Variants in NOTCH1 observed in about 807,000 individuals in gnomAD.
NOTCH1 encodes the protein neurogenic locus notch homolog protein 1.
Under a neutral mutation model 254.8 loss-of-function variants are expected in NOTCH1, and 37 were observed. That is an observed-to-expected ratio of 0.15 (90% CI 0.11 to 0.19). The LOEUF (loss-of-function observed/expected upper bound fraction) is 0.19, where lower values mean the gene tolerates loss of function less well. Among genes scored for constraint, NOTCH1 ranks in the 10% least tolerant of loss-of-function variants. The pLI is 1.00. For missense variants in NOTCH1, 2,972 were observed against 3,708.6 expected (o/e 0.80, Z 5.16); for synonymous variants, 1,731 against 1,618.1 (o/e 1.07, Z -1.68).
At position 136,499,284 on chromosome 9, in the gene NOTCH1, C is replaced by T. The variant is rs748871180; in HGVS notation, c.5935-25G>A. ...TCTGGGCAACAGGGAGAGGCTCAGG[C>T]GGGTGCTGGGCAGACGTACACCGAT... is the stretch of plus-strand genomic sequence containing the variant. On this transcript the variant is annotated intron_variant, in intron 31 of 33. Transcript: ENST00000651671. The T allele has an allele frequency of 3.8e-5, 61 of 1,610,476 alleles. No individual in the cohort carries two copies. The South Asian group carries it at 4.3e-4, about 11-fold the overall frequency.
intron 13 of NOTCH1, among the ~76,000 whole-genome samples, chr9:136,514,083 C>A (rs973504883): frequency 1.3e-5 from 2 of 152,188 alleles, no homozygotes; most frequent in African/African-American, 2.4e-5. Context: ...CTGCGAAAAG[C>A]CCCCCACCAC....
chr9:136,513,316 G>A lies in NOTCH1; in HGVS notation c.2353+76C>T. 1 of 1,601,252 alleles carries A rather than the reference G, an allele frequency of 6.2e-7. No individual in the cohort carries two copies. Among genetic ancestry groups the A allele is most frequent in the Non-Finnish European group, 8.5e-7 (1 of 1,172,798 alleles). On this transcript the variant is annotated intron_variant, in intron 14 of 33. Coordinates refer to ENST00000651671, the MANE Select transcript of NOTCH1 (RefSeq NM_017617.5). The surrounding 1 kb of genome is among the most constrained non-coding windows in gnomAD (Gnocchi z 4.7). ...ACCATGCATGGTGCTGGCTGGACCT[G>A]GGTCCCGATCCTGTGTCTCCAGCTC...
intron 31 of NOTCH1, 56 bp downstream of exon 31, chr9:136,500,496 A>G (rs1205842025): frequency 2.5e-6 from 4 of 1,596,668 alleles, no homozygotes; most frequent in Non-Finnish European, 3.4e-6. Flanking sequence ...CCACTGCCCC[A>G]GACCACCAGG....
rs869309573 is a variant in NOTCH1 at position 136,501,449 on chromosome 9, AG to A, written c.5638+298del. On this transcript the variant is annotated intron_variant, in intron 30 of 33. Coordinates refer to ENST00000651671, the MANE Select transcript of NOTCH1 (RefSeq NM_017617.5). ...ACTCCATCTCAAAAACAAAAAAAAAAGAAAAAAAAAAAGAAAAAGAAAATCA... is the reference window on the plus strand; with the variant it reads ...ACTCCATCTCAAAAACAAAAAAAAAAAAAAAAAAAAAGAAAAAGAAAATCA... 9.6e-5 allele frequency among the ~76,000 whole-genome samples: 12 copies of A among 124,508 alleles called. 1 individual carries two copies. Among genetic ancestry groups the A allele is most frequent in the African/African-American group, 3.1e-4 (11 of 35,372 alleles). The allele number at this position is 124,508 out of a possible 152,430, so 81.7% of individuals were successfully genotyped here. A position where few individuals can be genotyped will look rare whatever the true frequency, so the allele number is the denominator to read the frequency against.
intron 2 of NOTCH1, among the ~76,000 whole-genome samples, chr9:136,541,045 C>A (rs991260337): frequency 1.3e-5 from 2 of 152,166 alleles, no homozygotes; most frequent in African/African-American, 4.8e-5. Context: ...GATGAGGGGG[C>A]TAGAGAAGAG....
Position 136,505,099 on chromosome 9 carries a change from AG to A in NOTCH1, c.4591del (p.Leu1531CysfsTer49). ...GTGGTCCTTGCAGTACTGGTCGTAC[AG>A]GGGGCTGTGGGGGGCGGGACACGCT... ...CQRAEGQCNPLYDQYCKDHFS... is the reference protein window; with the variant it reads ...CQRAEGQCNPXYDQYCKDHFS... On this transcript the variant is annotated frameshift_variant, in exon 26 of 34. Transcript: ENST00000651671. LOFTEE classifies it high-confidence loss of function. 1 of 1,608,904 alleles carries A rather than the reference AG, an allele frequency of 6.2e-7. No individual in the cohort carries two copies.
rs1374634055 is a variant in NOTCH1 at position 136,497,353 on chromosome 9, A to T, written c.6386T>A (p.Leu2129Gln). 6.2e-7 allele frequency: 1 copy of T among 1,606,796 alleles called. No individual in the cohort carries two copies. The highest frequency in any genetic ancestry group is 1.7e-5 in the Admixed American group (1 of 59,952). ...VRSPQLHGAP[L>Q]GGTPTLSPPL... The stretch of plus-strand genomic sequence containing the variant: ...GGGCGACAGGGTGGGCGTGCCCCCC[A>T]GCGGGGCTCCGTGCAGCTGCGGGCT... Residue 2129 changes from leucine (L) to glutamine (Q), a missense_variant, in exon 34 of 34, where the codon CTG (leucine) becomes CAG (glutamine). This residue lies in a region of NOTCH1 where 529 missense variants were observed against 529.2 expected (regional missense o/e 1.00). Transcript: ENST00000651671.
chr9:136,500,810 C>G lies in NOTCH1; in HGVS notation c.5676G>C (p.Gly1892=), dbSNP rs763584589. Residue 1892 remains glycine (G), a synonymous_variant, in exon 31 of 34, where the codon GGG becomes GGC. Transcript: ENST00000651671. The part of the protein sequence containing the change: ...FTPLMIASCS[G]GGLETGNSEE... ...CGCTGTTGCCCGTCTCCAGGCCGCC[C>G]CCGCTGCAGGAGGCGATCATGAGCG... 6.3e-7 allele frequency: 1 copy of G among 1,599,148 alleles called. No homozygotes were observed. The highest frequency in any genetic ancestry group is 8.5e-7 in the Non-Finnish European group (1 of 1,179,540).
intron 2 of NOTCH1, among the ~76,000 whole-genome samples, chr9:136,524,520 G>A (rs970568545): frequency 5.3e-5 from 8 of 152,206 alleles, no homozygotes; most frequent in African/African-American, 1.9e-4. Flanking sequence ...AAAGCGAACA[G>A]GCATTGCTTG....
intron 2 of NOTCH1, among the ~76,000 whole-genome samples, chr9:136,531,959 C>T (rs897688339): frequency 2.6e-5 from 4 of 152,236 alleles, no homozygotes; most frequent in South Asian, 2.1e-4. Context: ...GAACACCGCT[C>T]GCCTGCCGGC....
At chr9:136,498,187 A>T (rs1199910426) in intron 33 of NOTCH1, among the ~76,000 whole-genome samples, 1 of 131,162 alleles carries the variant, frequency 7.6e-6, no homozygotes, top group Admixed American at 8.5e-5. Flanking sequence ...GCCCTCACCC[A>T]GGAGGGAGAG....
At chr9:136,499,086 G>C (rs1310822209) in intron 32 of NOTCH1, 26 bp downstream of exon 32, 6 of 1,612,848 alleles carry the variant, frequency 3.7e-6, no homozygotes, top group Non-Finnish European at 5.1e-6. Flanking sequence ...CCCCACGACA[G>C]AGCAGCCGTG....
chr9:136,538,558 C>T (rs951073927), intron 2 of NOTCH1, among the ~76,000 whole-genome samples: 4 of 152,370 alleles, frequency 2.6e-5, no homozygotes, highest in Non-Finnish European at 4.4e-5. Flanking sequence ...AAACGCAGCC[C>T]GGCCCACAGG....
rs1202909267 is a variant in NOTCH1 at position 136,540,462 on chromosome 9, C to T, written c.140+3562G>A. On this transcript the variant is annotated intron_variant, in intron 2 of 33. Coordinates refer to ENST00000651671, the MANE Select transcript of NOTCH1 (RefSeq NM_017617.5). This position sits in a 1 kb window ranked among gnomAD's most constrained non-coding sequence, Gnocchi z 4.4. The stretch of plus-strand genomic sequence containing the variant: ...CAGCACCTTTAGGATTCTCTGAATT[C>T]ACTCGTCAATCAATTAAACATTCAG... 2.0e-5 allele frequency among the ~76,000 whole-genome samples: 3 copies of T among 152,116 alleles called. No homozygotes were observed. The highest frequency in any genetic ancestry group is 2.0e-4 in the Admixed American group (3 of 15,268).
At chr9:136,500,050 A>C (rs1589055087) in intron 31 of NOTCH1, among the ~76,000 whole-genome samples, 1 of 151,896 alleles carries the variant, frequency 6.6e-6, no homozygotes. Context: ...TGCCAGGGAC[A>C]CTCCCTGGAG....
chr9:136,518,080 G>A (rs371401850), intron 7 of NOTCH1, 57 bp downstream of exon 7: 25 of 1,554,636 alleles, frequency 1.6e-5, no homozygotes, highest in African/African-American at 2.7e-5. Flanking sequence ...ACTTCTCATC[G>A]GTTCTGGGGC....
At chr9:136,510,116 C>T (rs1039269883) in intron 17 of NOTCH1, among the ~76,000 whole-genome samples, 155 bp from the exon 18 acceptor site, 5 of 152,328 alleles carry the variant, frequency 3.3e-5, no homozygotes, top group South Asian at 2.1e-4. Context: ...TGGGGAGCCC[C>T]AGCACCCACA....
chr9:136,495,438 C>T lies in NOTCH1; in HGVS notation c.*633G>A. ...CATGCTTGCAAGAAACCATCTAAAA[C>T]ACATGGCAACATCTAACCCATATGC... On this transcript the variant is annotated 3_prime_UTR_variant, in exon 34 of 34. Coordinates refer to ENST00000651671, the MANE Select transcript of NOTCH1 (RefSeq NM_017617.5). 5.0e-6 allele frequency: 2 copies of T among 399,046 alleles called. No individual in the cohort carries two copies. The highest frequency in any genetic ancestry group is 3.5e-5 in the East Asian group (1 of 28,226). The allele number at this position is 399,046 out of a possible 1,614,324, so 24.7% of individuals were successfully genotyped here.
chr9:136,526,982 G>T (rs1384628834), intron 2 of NOTCH1, among the ~76,000 whole-genome samples: 1 of 152,224 alleles, frequency 6.6e-6, no homozygotes, highest in African/African-American at 2.4e-5. Context: ...GACACCACAG[G>T]GAAGGCCCCT....
Sources: gnomAD v4.1 joint callset for allele counts (sites outside exome capture counted in the v4.1 genomes callset) on GRCh38, gnomAD v4.1.1 for gene constraint, gnomAD v4.1.1 regional missense constraint, Gnocchi (gnomAD v3.1) non-coding constraint, MANE v1.5 for transcripts, NCBI Gene and HGNC (gene_info 2026-07-23, HGNC 2026-07-21) for gene names.